KLRF1: variants seen among roughly 807,000 people sequenced by gnomAD.
KLRF1 encodes killer cell lectin-like receptor subfamily F member 1.
A neutral mutation model predicts 30.7 loss-of-function variants in KLRF1; 27 were observed. The ratio of observed to expected loss-of-function variants is 0.88; its 90% CI spans 0.65 to 1.21. KLRF1 has a LOEUF of 1.21. Ranked by LOEUF, KLRF1 falls within the 50% of genes most tolerant of loss-of-function variation. The probability of loss-of-function intolerance (pLI) is 0.00; values close to 1 mark genes in which losing one functional copy is unlikely to be tolerated. For missense variants in KLRF1, 246 were observed against 259.3 expected (o/e 0.95, Z 0.35); for synonymous variants, 92 against 89.3 (o/e 1.03, Z -0.17).
the KLRF1 span, among the ~76,000 whole-genome samples, chr12:9,821,294 T>A: frequency 2.0e-5 from 3 of 151,984 alleles, no homozygotes; most frequent in Non-Finnish European, 2.9e-5. Flanking sequence ...TCCTCAGACA[T>A]GAGACCCCCA....
intron 5 of KLRF1, among the ~76,000 whole-genome samples, chr12:9,842,884 C>T (rs938657512): frequency 7.2e-5 from 11 of 151,944 alleles, no homozygotes; most frequent in South Asian, 6.2e-4. Flanking sequence ...CATTTTTGTG[C>T]GCATTATTTT....
At chr12:9,816,810 T>C in the KLRF1 span, among the ~76,000 whole-genome samples, 2 of 150,892 alleles carry the variant, frequency 1.3e-5, no homozygotes, top group South Asian at 4.2e-4. Context: ...CTCGGCTCAC[T>C]GCAATCTCCG....
upstream of KLRF1, among the ~76,000 whole-genome samples, chr12:9,827,093 G>T (rs1331768484): frequency 1.3e-5 from 2 of 152,096 alleles, no homozygotes; most frequent in African/African-American, 4.8e-5. Context: ...TTAGGATAAA[G>T]AATTTAATTG....
the KLRF1 span, among the ~76,000 whole-genome samples, chr12:9,809,481 T>A: frequency 1.3e-5 from 2 of 152,290 alleles, no homozygotes; most frequent in South Asian, 4.1e-4. Context: ...AAACCGTAAC[T>A]TAAGTATTAT....
chr12:9,835,879 C>T (rs953872468), intron 3 of KLRF1, among the ~76,000 whole-genome samples: 3 of 151,890 alleles, frequency 2.0e-5, no homozygotes, highest in Non-Finnish European at 2.9e-5. Context: ...TGGAGGAGGG[C>T]GGCAGCTTGC....
At chr12:9,802,000 A>T in the KLRF1 span, among the ~76,000 whole-genome samples, 1 of 151,930 alleles carries the variant, frequency 6.6e-6, no homozygotes, top group Non-Finnish European at 1.5e-5. Flanking sequence ...GGCCAGAATC[A>T]TCCCGATACC....
chr12:9,813,918 T>A, the KLRF1 span, among the ~76,000 whole-genome samples: 1 of 152,062 alleles, frequency 6.6e-6, no homozygotes, highest in Non-Finnish European at 1.5e-5. Flanking sequence ...AGGACGGAGC[T>A]CAGGCGAGGT....
At chr12:9,818,570 T>C in the KLRF1 span, among the ~76,000 whole-genome samples, 3 of 152,206 alleles carry the variant, frequency 2.0e-5, no homozygotes, top group Non-Finnish European at 4.4e-5. Context: ...GTTCCTAAAA[T>C]ATGTGATTGT....
At chr12:9,840,637 T>C (rs1046266792) in intron 3 of KLRF1, among the ~76,000 whole-genome samples, 1 of 152,068 alleles carries the variant, frequency 6.6e-6, no homozygotes, top group Non-Finnish European at 1.5e-5. Flanking sequence ...CATTAATTAA[T>C]ATTAAGAGGG....
At chr12:9,837,762 A>C (rs191718540) in intron 3 of KLRF1, among the ~76,000 whole-genome samples, 27 of 152,266 alleles carry the variant, frequency 1.8e-4, no homozygotes, top group South Asian at 6.2e-4. Flanking sequence ...ACTGGCAGTG[A>C]TATCTACTGC....
intron 1 of KLRF1, among the ~76,000 whole-genome samples, chr12:9,828,829 G>T (rs1867343107): frequency 6.6e-6 from 1 of 152,096 alleles, no homozygotes; most frequent in South Asian, 2.1e-4. Context: ...GGAAATTAGA[G>T]ATATTAAACC....
the KLRF1 span, among the ~76,000 whole-genome samples, chr12:9,816,508 A>T: frequency 6.6e-6 from 1 of 151,720 alleles, no homozygotes; most frequent in Non-Finnish European, 1.5e-5. Context: ...AAGTCATTTC[A>T]ATACCCTGGT....
chr12:9,831,032 G>A (rs1182382356), intron 1 of KLRF1, among the ~76,000 whole-genome samples: 6 of 151,584 alleles, frequency 4.0e-5, no homozygotes, highest in South Asian at 2.1e-4. Flanking sequence ...GTGCAGTGGC[G>A]CGATCTCAGC....
At chr12:9,812,339 T>C in the KLRF1 span, among the ~76,000 whole-genome samples, 1 of 131,004 alleles carries the variant, frequency 7.6e-6, no homozygotes, top group Admixed American at 9.1e-5. Flanking sequence ...CACTCCAGCC[T>C]GGGCGACAGA....
intron 5 of KLRF1, among the ~76,000 whole-genome samples, chr12:9,842,714 C>T (rs1867732253): frequency 6.6e-6 from 1 of 152,114 alleles, no homozygotes; most frequent in Non-Finnish European, 1.5e-5. Context: ...TCAATGTTTT[C>T]TTTAGCCATC....
chr12:9,841,688 G>A (rs1867705494), intron 3 of KLRF1, 124 bp from the exon 4 acceptor site: 3 of 651,104 alleles, frequency 4.6e-6, no homozygotes, highest in South Asian at 5.3e-5. Context: ...TGGACAATTT[G>A]CTATAAGTGA....
chr12:9,820,438 T>C, the KLRF1 span, among the ~76,000 whole-genome samples: 1 of 152,142 alleles, frequency 6.6e-6, no homozygotes, highest in African/African-American at 2.4e-5. Context: ...CTCGAGCCAG[T>C]AGCAGCTCTG....
chr12:9,815,354 T>A, the KLRF1 span, among the ~76,000 whole-genome samples: 1 of 152,226 alleles, frequency 6.6e-6, no homozygotes, highest in Non-Finnish European at 1.5e-5. Flanking sequence ...TATGGTTTGA[T>A]TAATCATTTC....
intron 3 of KLRF1, among the ~76,000 whole-genome samples, chr12:9,836,590 C>T (rs1867583149): frequency 6.6e-6 from 1 of 152,118 alleles, no homozygotes; most frequent in Non-Finnish European, 1.5e-5. Flanking sequence ...TATATTATGA[C>T]TTTCCAGATA....
Sources: allele counts gnomAD v4.1 joint callset (sites outside exome capture counted in the v4.1 genomes callset), GRCh38; gene constraint gnomAD v4.1.1; transcripts MANE v1.5; gene names NCBI Gene and HGNC (gene_info 2026-07-23, HGNC 2026-07-21).